CIT: variants seen among roughly 807,000 people sequenced by gnomAD.
CIT encodes citron rho-interacting serine/threonine kinase.
CIT carries 79 observed loss-of-function variants against 272.7 expected under a neutral mutation model. The ratio of observed to expected loss-of-function variants is 0.29; its 90% CI spans 0.24 to 0.35. The LOEUF (loss-of-function observed/expected upper bound fraction) is 0.35. CIT is among the 10% of genes least tolerant of loss of function. The probability of loss-of-function intolerance (pLI) is 1.00; values close to 1 mark genes in which losing one functional copy is unlikely to be tolerated. For synonymous variants in CIT, 948 were observed against 995.6 expected, an observed-to-expected ratio of 0.95 and a Z score of 0.90; for missense variants, 1,909 against 2,618.3, an observed-to-expected ratio of 0.73 and a Z score of 5.91.
intron 23 of CIT, among the ~76,000 whole-genome samples, chr12:119,747,618 G>C (rs1959627295): frequency 6.6e-6 from 1 of 151,788 alleles, no homozygotes; most frequent in African/African-American, 2.4e-5. Flanking sequence ...TACTCGGGAG[G>C]CTGAGGCAGG....
At chr12:119,844,262 T>C (rs1969634915) in intron 5 of CIT, among the ~76,000 whole-genome samples, 1 of 152,074 alleles carries the variant, frequency 6.6e-6, no homozygotes, top group Non-Finnish European at 1.5e-5. Context: ...ACTAAGGTTA[T>C]CCGCTCGCCT....
At position 119,804,259 on chromosome 12, in the gene CIT, C is replaced by T. The variant is rs1290205140; in HGVS notation, c.1112-870G>A. 6 of 985,384 alleles carry T rather than the reference C, an allele frequency of 6.1e-6. No individual in the cohort carries two copies. In the East Asian group the frequency reaches 6.8e-4, roughly 112 times the overall value. The allele number at this position is 985,384 out of a possible 1,614,324, so 61.0% of individuals were successfully genotyped here. A position where few individuals can be genotyped will look rare whatever the true frequency, so the allele number is the denominator to read the frequency against. On this transcript the variant is annotated intron_variant, in intron 9 of 47. Transcript: ENST00000392521. The surrounding 1 kb of genome is among the most constrained non-coding windows in gnomAD (Gnocchi z 5.3). Reference sequence around the variant, plus strand: ...TCGGTCTGGGAGGTGGACACTCGTCCATCAGTCACCAGGAGGCTGCCCATC... The same window carrying T: ...TCGGTCTGGGAGGTGGACACTCGTCTATCAGTCACCAGGAGGCTGCCCATC...
chr12:119,869,203 T>C lies in CIT; in HGVS notation c.97-2A>G, dbSNP rs1950597732. On this transcript the variant is annotated splice_acceptor_variant, in intron 2 of 47. Transcript: ENST00000392521. LOFTEE classifies it high-confidence loss of function. Reference sequence around the variant, plus strand: ...TTGAGTCATAAAGGGTGGTTTCCCCTAAAAACAGCAAACAGCAGATGGAGA... The same window carrying C: ...TTGAGTCATAAAGGGTGGTTTCCCCCAAAAACAGCAAACAGCAGATGGAGA... The C allele has an allele frequency of 2.5e-6, 4 of 1,594,182 alleles. No individual in the cohort carries two copies. Among genetic ancestry groups the C allele is most frequent in the Non-Finnish European group, 3.4e-6 (4 of 1,174,834 alleles).
intron 28 of CIT, among the ~76,000 whole-genome samples, chr12:119,726,385 A>ATTTTTTTTTTTTTTTTT (rs3999547): frequency 2.0e-5 from 2 of 101,418 alleles, no homozygotes; most frequent in Admixed American, 1.1e-4. Context: ...CACTTGGCTA[A>ATTTTTTTTTTTTTTTTT]TTTTTTTTTT....
intron 3 of CIT, among the ~76,000 whole-genome samples, chr12:119,867,212 CAG>C (rs1950541154): frequency 6.6e-6 from 1 of 151,002 alleles, no homozygotes; most frequent in African/African-American, 2.4e-5. Context: ...TTTTTTAAGA[CAG>C]AGTCTCACTC....
At chr12:119,744,477 C>A (rs960584189) in intron 23 of CIT, among the ~76,000 whole-genome samples, 3 of 151,194 alleles carry the variant, frequency 2.0e-5, no homozygotes, top group Admixed American at 2.0e-4. Flanking sequence ...AATCCCAGCA[C>A]TTTGGGAAGC....
At chr12:119,868,913 G>A (rs1950587709) in intron 3 of CIT, 147 bp downstream of exon 3, 2 of 892,902 alleles carry the variant, frequency 2.2e-6, no homozygotes, top group African/African-American at 3.5e-5. Context: ...GCTATAAGAG[G>A]TGCAGCCTGA....
intron 23 of CIT, chr12:119,742,821 A>G (rs991549768): frequency 3.9e-5 from 7 of 179,458 alleles, no homozygotes; most frequent in Non-Finnish European, 5.8e-5. Context: ...AAAGATGAGT[A>G]TTTTCCCTCT....
At chr12:119,857,468 G>C in intron 4 of CIT, 55 bp downstream of exon 4, 1 of 1,567,420 alleles carries the variant, frequency 6.4e-7, no homozygotes, top group Non-Finnish European at 8.7e-7. Flanking sequence ...TATCGTCTTT[G>C]CAATGAACAC....
rs1956025891 is a variant in CIT, at chr12:119,692,752, T to A, written c.5883-2298A>T. On this transcript the variant is annotated intron_variant, in intron 46 of 47. Transcript: ENST00000392521. ...TAACAGAGAAGTTGGTGTGCAGAGA[T>A]AATTTCATAAGGGCTCAGTTCATAG... Among the ~76,000 whole-genome samples the A allele has an allele frequency of 1.3e-5, 2 of 152,210 alleles. 1 individual carries two copies. Among genetic ancestry groups the A allele is most frequent in the African/African-American group, 4.8e-5 (2 of 41,456 alleles).
In CIT at chr12:119,697,943, G is replaced by T; in HGVS notation, c.5702+33C>A. On this transcript the variant is annotated intron_variant, in intron 45 of 47. Transcript: ENST00000392521. This position sits in a 1 kb window ranked among gnomAD's most constrained non-coding sequence, Gnocchi z 4.9. ...GGCCCCAACACCTACCCCAATAGCT[G>T]AAGTTTTCCACGCATGGGAGGACAA... 6.2e-7 allele frequency: 1 copy of T among 1,613,686 alleles called. No individual in the cohort carries two copies. The highest frequency in any genetic ancestry group is 8.5e-7 in the Non-Finnish European group (1 of 1,179,598).
chr12:119,746,742 C>A (rs1959472188), intron 23 of CIT, among the ~76,000 whole-genome samples: 1 of 152,124 alleles, frequency 6.6e-6, no homozygotes, highest in South Asian at 2.1e-4. Flanking sequence ...ACATAATGAA[C>A]CACAGTCATT....
chr12:119,730,723 A>G, intron 26 of CIT, 93 bp from the exon 27 acceptor site: 5 of 1,384,628 alleles, frequency 3.6e-6, no homozygotes, highest in Non-Finnish European at 4.9e-6. Context: ...ACGAGCAACT[A>G]AACAGGCTGC....
chr12:119,735,414 T>C (rs528103278), intron 24 of CIT, 57 bp from the exon 25 acceptor site: 3 of 1,561,464 alleles, frequency 1.9e-6, no homozygotes, highest in Non-Finnish European at 2.6e-6. Flanking sequence ...AAATAAGAAA[T>C]TGCTTCTAGG....
chr12:119,875,232 G>A (rs1950807920), intron 2 of CIT, among the ~76,000 whole-genome samples: 1 of 152,122 alleles, frequency 6.6e-6, no homozygotes, highest in African/African-American at 2.4e-5. Context: ...GAGCCCAGGA[G>A]GTCAAGGCTG....
chr12:119,750,695 C>A (rs1376218847), intron 23 of CIT, among the ~76,000 whole-genome samples: 1 of 151,520 alleles, frequency 6.6e-6, no homozygotes, highest in East Asian at 1.9e-4. Flanking sequence ...GATCCCCAAA[C>A]CCAACAATGG....
chr12:119,876,481 C>G (rs886958043), intron 1 of CIT, among the ~76,000 whole-genome samples: 1 of 152,122 alleles, frequency 6.6e-6, no homozygotes, highest in African/African-American at 2.4e-5. Context: ...GCACACATAG[C>G]CTGGCACACA....
chr12:119,852,162 A>G (rs1970262196), intron 4 of CIT, among the ~76,000 whole-genome samples: 1 of 152,250 alleles, frequency 6.6e-6, no homozygotes, highest in South Asian at 2.1e-4. Flanking sequence ...ACTGAAACAG[A>G]GAGTCTTCTG....
intron 3 of CIT, among the ~76,000 whole-genome samples, chr12:119,868,399 G>A (rs927210490): frequency 6.6e-6 from 1 of 151,964 alleles, no homozygotes; most frequent in Non-Finnish European, 1.5e-5. Context: ...CCTAAGCACC[G>A]TGCCTACTCT....
Sources: allele counts gnomAD v4.1 joint callset (sites outside exome capture counted in the v4.1 genomes callset), GRCh38; gene constraint gnomAD v4.1.1; non-coding constraint Gnocchi (gnomAD v3.1); transcripts MANE v1.5; gene names NCBI Gene and HGNC (gene_info 2026-07-23, HGNC 2026-07-21).